Variants in SYNE2 observed in about 807,000 individuals in gnomAD.
SYNE2 encodes the protein nesprin-2.
In SYNE2, 431 loss-of-function variants were observed where a neutral mutation model predicts 856.3. The observed-to-expected ratio is 0.50, with a 90% CI of 0.47 to 0.55. SYNE2 has a LOEUF of 0.55. SYNE2 is among the 20% of genes least tolerant of loss of function. SYNE2 has a pLI of 0.00. For synonymous variants in SYNE2, 2,923 were observed against 2,872.3 expected (o/e 1.02, Z -0.56); for missense variants, 8,129 against 8,023.2 (o/e 1.01, Z -0.50).
chr14:64,209,454 A>C lies in SYNE2; in HGVS notation c.18416A>C (p.Gln6139Pro). The C allele has an allele frequency of 2.5e-6, 4 of 1,614,260 alleles. No individual in the cohort carries two copies. Among genetic ancestry groups the C allele is most frequent in the Non-Finnish European group, 3.4e-6 (4 of 1,180,052 alleles). ...ATCGAGGAGACGTGGCGCCTGTGGC[A>C]GAAGTTTTTAGACGACTATTCTCGC... ...MKIEETWRLW[Q>P]KFLDDYSRFE... The change falls in exon 102 of 116, where the codon CAG (glutamine) becomes CCG (proline). Residue 6139 changes from glutamine to proline, a missense_variant. Gln to Pro is a moderately conservative substitution (Grantham distance 76). Coordinates refer to ENST00000555002, the MANE Select transcript of SYNE2 (RefSeq NM_182914.3).
At position 63,980,797 on chromosome 14, in the gene SYNE2, T is replaced by G. The variant is rs548297690; in HGVS notation, c.1648+65T>G. ...CTTAACAGTGATGTTTTATCTGTTGTGCTTTCTATATAATGTTTTAGAAAT... is the reference window on the plus strand; with the variant it reads ...CTTAACAGTGATGTTTTATCTGTTGGGCTTTCTATATAATGTTTTAGAAAT... On this transcript the variant is annotated intron_variant, in intron 15 of 115. Transcript: ENST00000555002. 3.1e-4 allele frequency: 388 copies of G among 1,261,226 alleles called. 6 individuals are homozygous for G. In the South Asian group the frequency reaches 4.6e-3, roughly 15 times the overall value. 78.1% of individuals were successfully genotyped at this position (1,261,226 alleles called of 1,614,324 possible). A position where few individuals can be genotyped will look rare whatever the true frequency, so the allele number is the denominator to read the frequency against.
chr14:63,950,212 T>A (rs2096128717), intron 7 of SYNE2, among the ~76,000 whole-genome samples: 1 of 152,130 alleles, frequency 6.6e-6, no homozygotes, highest in Admixed American at 6.6e-5. Context: ...GTAAACGAAC[T>A]CATCCCACCT....
At chr14:64,202,160 A>C in intron 99 of SYNE2, 1 of 702,046 alleles carries the variant, frequency 1.4e-6, no homozygotes, top group South Asian at 1.5e-5. Context: ...GCTTGCGTGC[A>C]GATTTCCTTT....
chr14:64,188,536 A>G lies in SYNE2; in HGVS notation c.17713-14A>G, dbSNP rs1413543612. 5 of 1,614,176 alleles carry G rather than the reference A, an allele frequency of 3.1e-6. No individual in the cohort carries two copies. Among genetic ancestry groups the G allele is most frequent in the Non-Finnish European group, 3.4e-6 (4 of 1,180,040 alleles). On this transcript the variant is annotated splice_polypyrimidine_tract_variant and intron_variant, in intron 97 of 115. Transcript: ENST00000555002. ...CTGGCTATACTCAGCTGCCAAATGTATTTTCATTTGCAGGTGGCCATACGT... is the reference window on the plus strand; with the variant it reads ...CTGGCTATACTCAGCTGCCAAATGTGTTTTCATTTGCAGGTGGCCATACGT...
chr14:63,867,609 A>G lies in SYNE2; in HGVS notation c.-52+14466A>G, dbSNP rs566765789. On this transcript the variant is annotated intron_variant, in intron 1 of 115. Transcript: ENST00000555002. Reference sequence around the variant, plus strand: ...GCTACTGAGGAGGCTGAGGCAGGAGAATCGCTTGAACCCAGGAGGTGAAGG... The same window carrying G: ...GCTACTGAGGAGGCTGAGGCAGGAGGATCGCTTGAACCCAGGAGGTGAAGG... 1.4e-4 allele frequency among the ~76,000 whole-genome samples: 22 copies of G among 152,232 alleles called. No homozygotes were observed. The East Asian group carries it at 4.1e-3, about 28-fold the overall frequency.
upstream of SYNE2, among the ~76,000 whole-genome samples, chr14:63,852,646 T>G (rs1322799958): frequency 6.6e-6 from 1 of 152,080 alleles, no homozygotes; most frequent in Middle Eastern, 3.2e-3. Context: ...GCTCTCTAAC[T>G]CCTACTTCCA....
chr14:63,958,027 G>A (rs2096262704), intron 8 of SYNE2, among the ~76,000 whole-genome samples: 1 of 151,940 alleles, frequency 6.6e-6, no homozygotes, highest in Non-Finnish European at 1.5e-5. Context: ...TGGCAACAGA[G>A]TGAGACTCCA....
chr14:63,876,777 C>G (rs1225648508), intron 1 of SYNE2, among the ~76,000 whole-genome samples: 1 of 152,178 alleles, frequency 6.6e-6, no homozygotes, highest in African/African-American at 2.4e-5. Flanking sequence ...TGAGCCACTG[C>G]GCCTGGCCCC....
chr14:63,934,965 C>T (rs922922915), intron 2 of SYNE2, among the ~76,000 whole-genome samples: 2 of 151,614 alleles, frequency 1.3e-5, no homozygotes, highest in Non-Finnish European at 2.9e-5. Context: ...CTTGGAATCA[C>T]AAAAACTTGT....
intron 107 of SYNE2, chr14:64,215,912 C>T: frequency 7.8e-7 from 1 of 1,283,438 alleles, no homozygotes; most frequent in Non-Finnish European, 1.0e-6. Flanking sequence ...TTCACTCTTC[C>T]CCTCACTCCT....
intron 51 of SYNE2, among the ~76,000 whole-genome samples, chr14:64,069,009 A>C (rs2097380724): frequency 3.3e-5 from 5 of 152,016 alleles, no homozygotes; most frequent in African/African-American, 9.7e-5. Context: ...AGGGAACAGG[A>C]GTGGTAGATG....
intron 1 of SYNE2, among the ~76,000 whole-genome samples, chr14:63,847,212 A>G (rs1281833998): frequency 1.3e-5 from 2 of 151,670 alleles, no homozygotes; most frequent in Non-Finnish European, 2.9e-5. Flanking sequence ...TGAGAGGCCA[A>G]GGTAGGAGGA....
intron 48 of SYNE2, among the ~76,000 whole-genome samples, chr14:64,054,279 G>A (rs746761422): frequency 1.2e-4 from 19 of 152,032 alleles, no homozygotes; most frequent in Non-Finnish European, 2.6e-4. Flanking sequence ...GTTTTTAGAG[G>A]TAGTAAGATA....
rs748379294 is a variant in SYNE2, at chr14:64,070,625, C to G, written c.10432-20C>G. On this transcript the variant is annotated intron_variant, in intron 51 of 115. Coordinates refer to ENST00000555002, the MANE Select transcript of SYNE2 (RefSeq NM_182914.3). ...ATTGTATATTTTACTTATTTTAGTTCTTTTTGTTTTTTGAATTAGATTGAA... is the reference window on the plus strand; with the variant it reads ...ATTGTATATTTTACTTATTTTAGTTGTTTTTGTTTTTTGAATTAGATTGAA... 1.2e-6 allele frequency: 2 copies of G among 1,601,776 alleles called. No homozygotes were observed. Among genetic ancestry groups the G allele is most frequent in the East Asian group, 4.5e-5 (2 of 44,782 alleles).
chr14:64,203,421 T>G (rs1399352301), intron 100 of SYNE2, among the ~76,000 whole-genome samples: 2 of 152,218 alleles, frequency 1.3e-5, no homozygotes, highest in Admixed American at 1.3e-4. Flanking sequence ...ACCAATAGTT[T>G]AGGAAGCCTC....
intron 1 of SYNE2, among the ~76,000 whole-genome samples, chr14:63,824,846 G>A (rs1889359986): frequency 6.6e-6 from 1 of 151,790 alleles, no homozygotes; most frequent in Admixed American, 6.6e-5. Context: ...TAAGAGTTAG[G>A]GACAGATGCC....
chr14:64,101,923 C>A lies in SYNE2; in HGVS notation c.12382-9C>A. The A allele has an allele frequency of 6.2e-7, 1 of 1,605,624 alleles. No homozygotes were observed. Among genetic ancestry groups the A allele is most frequent in the Non-Finnish European group, 8.5e-7 (1 of 1,172,296 alleles). On this transcript the variant is annotated splice_polypyrimidine_tract_variant and intron_variant, in intron 63 of 115. Coordinates refer to ENST00000555002, the MANE Select transcript of SYNE2 (RefSeq NM_182914.3). ...CTTCCCTTTGCTAACCAATCGTTTA[C>A]TGTGATAGAATGGAGATGAGAAGGC...
chr14:64,011,791 T>C (rs1226368402), intron 32 of SYNE2, among the ~76,000 whole-genome samples: 1 of 152,230 alleles, frequency 6.6e-6, no homozygotes, highest in African/African-American at 2.4e-5. Context: ...CTATAAACTA[T>C]ACTTTCTAGA....
chr14:63,994,898 C>A, intron 22 of SYNE2, 146 bp from the exon 23 acceptor site: 1 of 501,954 alleles, frequency 2.0e-6, no homozygotes. Context: ...TAAAACATCT[C>A]CCCCCAAAAT....
Sources: gnomAD v4.1 joint callset for allele counts (sites outside exome capture counted in the v4.1 genomes callset) on GRCh38, gnomAD v4.1.1 for gene constraint, MANE v1.5 for transcripts, NCBI Gene and HGNC (gene_info 2026-07-23, HGNC 2026-07-21) for gene names.